The following GCFC2 variants were observed in gnomAD, a reference collection of about 807,000 sequenced individuals.
The protein encoded by GCFC2 is GC-rich sequence DNA-binding factor 2.
In GCFC2, 102 loss-of-function variants were observed where a neutral mutation model predicts 99.4. That is an observed-to-expected ratio of 1.03 (90% CI 0.87 to 1.21). GCFC2 has a LOEUF of 1.21. Ranked by LOEUF, GCFC2 falls within the 50% of genes most tolerant of loss-of-function variation. The probability of loss-of-function intolerance (pLI) is 0.00; values close to 1 mark genes in which losing one functional copy is unlikely to be tolerated. For missense variants in GCFC2, 973 were observed against 920.9 expected, an observed-to-expected ratio of 1.06 and a Z score of -0.73; for synonymous variants, 338 against 316.8, an observed-to-expected ratio of 1.07 and a Z score of -0.71.
At chr2:75,712,882 T>C (rs1008504204), upstream of GCFC2, among the ~76,000 whole-genome samples, 3 of 152,194 alleles carry the variant, frequency 2.0e-5, no homozygotes, top group African/African-American at 7.2e-5. Context: ...GGACACAATA[T>C]TGGCACCTTG....
At chr2:75,711,976 T>G (rs1048222159), upstream of GCFC2, among the ~76,000 whole-genome samples, 3 of 152,270 alleles carry the variant, frequency 2.0e-5, no homozygotes, top group Non-Finnish European at 2.9e-5. Flanking sequence ...GGCGCCGGAC[T>G]GGCAGGCAGC....
At chr2:75,712,304 A>G (rs887016352), upstream of GCFC2, among the ~76,000 whole-genome samples, 1 of 151,834 alleles carries the variant, frequency 6.6e-6, no homozygotes, top group Non-Finnish European at 1.5e-5. Flanking sequence ...ACCAATCAGC[A>G]CCCTGTGTTT....
At position 75,671,986 on chromosome 2, in the gene GCFC2, T is replaced by G. The variant is rs914098547; in HGVS notation, c.1920A>C (p.Ser640=). 4 of 1,593,892 alleles carry G rather than the reference T, an allele frequency of 2.5e-6. No individual in the cohort carries two copies. Among genetic ancestry groups the G allele is most frequent in the Non-Finnish European group, 3.4e-6 (4 of 1,162,832 alleles). The change falls in exon 14 of 17, where the codon TCA becomes TCC. Residue 640 remains serine (S), a synonymous_variant. Coordinates refer to ENST00000321027, the MANE Select transcript of GCFC2 (RefSeq NM_003203.5). The part of the protein sequence containing the change: ...SAVENKTSPH[S]KFQERQFWSG... ...ACCAGAACTGTCTTTCTTGGAACTT[T>G]GAATGAGGTGATGTTTTGTTTTCTA...
intron 4 of GCFC2, among the ~76,000 whole-genome samples, chr2:75,698,695 C>T (rs186910477): frequency 1.5e-4 from 23 of 152,212 alleles, no homozygotes; most frequent in Admixed American, 5.9e-4. Flanking sequence ...ACTACTAGCT[C>T]TTAGTTCACA....
At chr2:75,687,789 G>A (rs954535329) in intron 11 of GCFC2, 38 bp downstream of exon 11, 1 of 1,522,046 alleles carries the variant, frequency 6.6e-7, no homozygotes, top group Non-Finnish European at 9.0e-7. Flanking sequence ...TACTCTGTCA[G>A]AAAATAATTT....
Position 75,690,700 on chromosome 2 carries a change from T to C in GCFC2, c.1164A>G (p.Thr388=), listed in dbSNP as rs756864168. Residue 388 remains threonine, a synonymous_variant, in exon 8 of 17, where the codon ACA becomes ACG. Coordinates refer to ENST00000321027, the MANE Select transcript of GCFC2 (RefSeq NM_003203.5). The part of the protein sequence containing the change: ...QQLSRKDETS[T]SGNFSVDEKT... The stretch of plus-strand genomic sequence containing the variant: ...TTTCATCTACTGAGAAGTTTCCACT[T>C]GTGGATGTCTCATCTTTGCCTGTTA... 6.4e-7 allele frequency: 1 copy of C among 1,550,876 alleles called. No individual in the cohort carries two copies. Among genetic ancestry groups the C allele is most frequent in the Non-Finnish European group, 8.9e-7 (1 of 1,128,706 alleles).
intron 1 of GCFC2, 30 bp downstream of exon 1, chr2:75,710,561 C>A: frequency 6.8e-7 from 1 of 1,475,790 alleles, no homozygotes; most frequent in Admixed American, 2.3e-5. Context: ...GTGCCGTCAC[C>A]TCCCCGCTTC....
chr2:75,683,132 C>T (rs1679651311), intron 11 of GCFC2, among the ~76,000 whole-genome samples: 1 of 151,664 alleles, frequency 6.6e-6, no homozygotes, highest in East Asian at 1.9e-4. Flanking sequence ...AACCCCAAGA[C>T]ACATAATTGT....
At chr2:75,679,158 C>A (rs961175400) in intron 12 of GCFC2, among the ~76,000 whole-genome samples, 8 of 152,232 alleles carry the variant, frequency 5.3e-5, no homozygotes, top group African/African-American at 1.7e-4. Flanking sequence ...CTTATTTTCT[C>A]TGAGATTACA....
At chr2:75,671,924 T>C (rs1459443851) in intron 14 of GCFC2, 26 bp downstream of exon 14, 10 of 1,285,094 alleles carry the variant, frequency 7.8e-6, no homozygotes, top group Non-Finnish European at 1.1e-5. Flanking sequence ...AAAAATTGCC[T>C]TTTCATTTTT....
chr2:75,676,573 G>A (rs1320433719), intron 12 of GCFC2, among the ~76,000 whole-genome samples: 2 of 151,598 alleles, frequency 1.3e-5, no homozygotes, highest in African/African-American at 4.9e-5. Flanking sequence ...GGTCTAATCT[G>A]TGGGTATTAT....
rs753752306 is a variant in GCFC2 at position 75,670,240 on chromosome 2, G to GTCA, written c.1998_2000dup (p.Asp667dup). ...TCCCTAGTCCTAGTTCTTGCAAGGT[G>GTCA]TCATCTGTAAGGAGTCCATTCCAAA... On this transcript the variant is annotated inframe_insertion, in exon 15 of 17. Transcript: ENST00000321027. The GTCA allele has an allele frequency of 6.2e-7, 1 of 1,606,242 alleles. No homozygotes were observed. The highest frequency in any genetic ancestry group is 8.5e-7 in the Non-Finnish European group (1 of 1,172,960).
rs199835995 is a variant in GCFC2, at chr2:75,695,418, T to C, written c.833+782A>G. Among the ~76,000 whole-genome samples, 3 of 152,108 alleles carry C rather than the reference T, an allele frequency of 2.0e-5. No homozygotes were observed. The East Asian group carries it at 5.8e-4, about 29-fold the overall frequency. ...GATATAACAACTATATGGACAAACA[T>C]GATAGTTTTTTTAAAAAAATTAAAG... On this transcript the variant is annotated intron_variant, in intron 5 of 16. Transcript: ENST00000321027.
chr2:75,707,657 G>A (rs1468089009), intron 1 of GCFC2, among the ~76,000 whole-genome samples: 1 of 152,084 alleles, frequency 6.6e-6, no homozygotes, highest in Non-Finnish European at 1.5e-5. Context: ...CAAAGCAGTG[G>A]GTCTTAAAGC....
chr2:75,690,606 GCTTT>G, intron 8 of GCFC2, 28 bp downstream of exon 8: 1 of 983,962 alleles, frequency 1.0e-6, no homozygotes, highest in Non-Finnish European at 1.6e-6. Context: ...GCTCAATGAT[GCTTT>G]CTTTAAATCT....
chr2:75,678,630 GGTCA>G (rs1186992675), intron 12 of GCFC2, among the ~76,000 whole-genome samples: 2 of 152,266 alleles, frequency 1.3e-5, no homozygotes, highest in East Asian at 3.9e-4. Flanking sequence ...GAGGCAACAT[GGTCA>G]GTGAGGCAAA....
chr2:75,700,818 T>C (rs886488866), intron 4 of GCFC2, among the ~76,000 whole-genome samples: 1 of 152,158 alleles, frequency 6.6e-6, no homozygotes, highest in African/African-American at 2.4e-5. Flanking sequence ...GTCTTTGTGG[T>C]TGTAATTAAG....
intron 14 of GCFC2, 29 bp from the exon 15 acceptor site, chr2:75,670,313 C>T (rs1679039788): frequency 1.3e-6 from 2 of 1,487,144 alleles, no homozygotes; most frequent in East Asian, 4.5e-5. Flanking sequence ...TAAATATGTA[C>T]CTTTTCTCCA....
intron 5 of GCFC2, among the ~76,000 whole-genome samples, chr2:75,695,157 A>G (rs924408460): frequency 7.9e-5 from 12 of 152,158 alleles, no homozygotes; most frequent in African/African-American, 2.9e-4. Flanking sequence ...GGGCTGGCAA[A>G]CTACCAGTCC....
Sources: allele counts gnomAD v4.1 joint callset (sites outside exome capture counted in the v4.1 genomes callset), GRCh38; gene constraint gnomAD v4.1.1; transcripts MANE v1.5; gene names NCBI Gene and HGNC (gene_info 2026-07-23, HGNC 2026-07-21).